The following MAPK10 variants were observed in gnomAD, a reference collection of about 807,000 sequenced individuals.
MAPK10 encodes the protein JNK3 alpha protein kinase.
Under a neutral mutation model 59.3 loss-of-function variants are expected in MAPK10, and 25 were observed. The ratio of observed to expected loss-of-function variants is 0.42; its 90% confidence interval spans 0.31 to 0.59. The LOEUF (loss-of-function observed/expected upper bound fraction) is 0.59, where lower values mean the gene tolerates loss of function less well. Among genes scored for constraint, MAPK10 ranks in the 20% least tolerant of loss-of-function variants. MAPK10 has a pLI of 0.15. For synonymous variants in MAPK10, 190 were observed against 200.5 expected (o/e 0.95, Z 0.44); for missense variants, 351 against 568.9 (o/e 0.62, Z 3.90).
chr4:86,043,059 T>A (rs187466770), intron 11 of MAPK10, among the ~76,000 whole-genome samples: 2 of 152,184 alleles, frequency 1.3e-5, no homozygotes. Flanking sequence ...ATATGTTGAT[T>A]TTGCAATGCC....
intron 9 of MAPK10, among the ~76,000 whole-genome samples, chr4:86,093,898 A>G (rs2053711464): frequency 2.6e-5 from 4 of 151,868 alleles, no homozygotes; most frequent in Admixed American, 2.6e-4. Context: ...ATATTTATTT[A>G]TAATTACATG....
rs988605312 is a variant in MAPK10, at chr4:86,016,693, C to T, written c.*535G>A. The T allele has an allele frequency of 6.5e-6, 1 of 154,748 alleles. No individual in the cohort carries two copies. Among genetic ancestry groups the T allele is most frequent in the African/African-American group, 2.4e-5 (1 of 41,454 alleles). 9.6% of individuals were successfully genotyped at this position (154,748 alleles called of 1,614,324 possible). On this transcript the variant is annotated 3_prime_UTR_variant, in exon 14 of 14. Coordinates refer to ENST00000641462, the MANE Select transcript of MAPK10 (RefSeq NM_138982.4). ...ATCACATGAAATGGACCATGTGGTA[C>T]CCCAGTGCATTATGTCTTGGTAGAG...
chr4:86,372,564 G>GAAAGAAAGGAAGGAAAAGA, intron 1 of MAPK10, among the ~76,000 whole-genome samples: 10 of 78,716 alleles, frequency 1.3e-4, no homozygotes, highest in African/African-American at 3.5e-4. Context: ...AAGAAAGAAA[G>GAAAGAAAGGAAGGAAAAGA]AAAGAAAAGA....
rs116783350 is a variant in MAPK10 at position 86,202,241 on chromosome 4, C to T, written c.-6-7834G>A. On this transcript the variant is annotated intron_variant, in intron 2 of 13. Coordinates refer to ENST00000641462, the MANE Select transcript of MAPK10 (RefSeq NM_138982.4). ...CAAAATACATTGTTTCATTGTTGCT[C>T]ACTGTCTTGCAGCATACATTAAACA... 3.6e-3 allele frequency among the ~76,000 whole-genome samples: 546 copies of T among 151,864 alleles called. 9 individuals are homozygous for T. The highest frequency in any genetic ancestry group is 0.013 in the African/African-American group (526 of 41,488).
intron 1 of MAPK10, among the ~76,000 whole-genome samples, chr4:86,538,124 G>A (rs1758386451): frequency 6.6e-6 from 1 of 151,514 alleles, no homozygotes; most frequent in Admixed American, 6.6e-5. Flanking sequence ...CCCACATTGT[G>A]TTAATTACTA....
At chr4:86,422,493 G>C (rs1746662488) in intron 1 of MAPK10, among the ~76,000 whole-genome samples, 1 of 152,146 alleles carries the variant, frequency 6.6e-6, no homozygotes, top group Non-Finnish European at 1.5e-5. Context: ...AACAAAACAA[G>C]AAGAAATGAC....
intron 1 of MAPK10, among the ~76,000 whole-genome samples, chr4:86,524,845 C>CAAA (rs35177743): frequency 2.0e-5 from 2 of 99,172 alleles, no homozygotes; most frequent in Admixed American, 1.1e-4. Flanking sequence ...TAGGTTGGTG[C>CAAA]AAAAAAAAAA....
chr4:86,338,307 C>T (rs1722765189), intron 2 of MAPK10, among the ~76,000 whole-genome samples: 1 of 152,206 alleles, frequency 6.6e-6, no homozygotes. Flanking sequence ...AGCTGAATTC[C>T]TGAAACCCTC....
chr4:86,252,534 C>T lies in MAPK10; in HGVS notation c.-6-58127G>A, dbSNP rs1221894685. Among the ~76,000 whole-genome samples the T allele has an allele frequency of 2.2e-4, 31 of 142,558 alleles. No individual in the cohort carries two copies. The Middle Eastern group carries it at 0.011, about 50-fold the overall frequency. 93.5% of individuals were successfully genotyped at this position (142,558 alleles called of 152,430 possible). On this transcript the variant is annotated intron_variant, in intron 2 of 13. Transcript: ENST00000641462. The stretch of plus-strand genomic sequence containing the variant: ...TCTGTTCTGTTCCATTGATCTATAT[C>T]TCTGTTTTGGTACCAGTACCATGCT...
At chr4:86,126,731 G>A (rs1448139152) in intron 4 of MAPK10, among the ~76,000 whole-genome samples, 1 of 151,966 alleles carries the variant, frequency 6.6e-6, no homozygotes, top group African/African-American at 2.4e-5. Context: ...GGATGTCTTA[G>A]AAATATCTTA....
chr4:86,259,432 T>C (rs1232915585), intron 2 of MAPK10, among the ~76,000 whole-genome samples: 1 of 152,138 alleles, frequency 6.6e-6, no homozygotes, highest in East Asian at 1.9e-4. Context: ...TTTATATTTA[T>C]ATGTCTTCTG....
chr4:86,223,681 C>T lies in MAPK10; in HGVS notation c.-6-29274G>A, dbSNP rs112955237. ...CTCACCCCTCCCTCTTCTTCCTCTGCACCACATCTGGGCAAACTAATAAGA... is the reference window on the plus strand; with the variant it reads ...CTCACCCCTCCCTCTTCTTCCTCTGTACCACATCTGGGCAAACTAATAAGA... On this transcript the variant is annotated intron_variant, in intron 2 of 13. Coordinates refer to ENST00000641462, the MANE Select transcript of MAPK10 (RefSeq NM_138982.4). Among the ~76,000 whole-genome samples the T allele has an allele frequency of 2.3e-4, 35 of 152,300 alleles. No individual in the cohort carries two copies. The Middle Eastern group carries it at 0.01, about 44-fold the overall frequency.
At chr4:86,434,891 C>A (rs140163035) in intron 1 of MAPK10, among the ~76,000 whole-genome samples, 1 of 152,320 alleles carries the variant, frequency 6.6e-6, no homozygotes, top group East Asian at 1.9e-4. Context: ...TGGGATCAAC[C>A]TGTGTCTGTC....
intron 1 of MAPK10, among the ~76,000 whole-genome samples, chr4:86,390,675 C>G (rs1742072937): frequency 6.6e-6 from 1 of 152,052 alleles, no homozygotes; most frequent in Non-Finnish European, 1.5e-5. Context: ...AGATACATGC[C>G]CAGATATGGG....
intron 4 of MAPK10, among the ~76,000 whole-genome samples, chr4:86,134,709 A>G (rs2061581930): frequency 6.6e-6 from 1 of 152,268 alleles, no homozygotes; most frequent in Non-Finnish European, 1.5e-5. Context: ...GAACAGCTCC[A>G]GTCTACAGCT....
At position 86,215,996 on chromosome 4, in the gene MAPK10, T is replaced by C. The variant is rs72662086; in HGVS notation, c.-6-21589A>G. Among the ~76,000 whole-genome samples, 1,174 of 152,196 alleles carry C rather than the reference T, an allele frequency of 7.7e-3. 8 individuals are homozygous for C. The highest frequency in any genetic ancestry group is 0.011 in the Non-Finnish European group (751 of 68,000). ...GCGTTGTTGAGAATGTGGAGAGATA[T>C]GAACCCTTGTGCCCTATTGGTGAAA... is the stretch of plus-strand genomic sequence containing the variant. On this transcript the variant is annotated intron_variant, in intron 2 of 13. Transcript: ENST00000641462.
intron 1 of MAPK10, among the ~76,000 whole-genome samples, chr4:86,482,217 C>A (rs1753662968): frequency 2.0e-5 from 3 of 152,140 alleles, no homozygotes. Context: ...TGTAGGGGAA[C>A]AGGACATGCA....
At chr4:86,146,153 T>C (rs771201753) in intron 4 of MAPK10, among the ~76,000 whole-genome samples, 2 of 152,148 alleles carry the variant, frequency 1.3e-5, no homozygotes, top group African/African-American at 4.8e-5. Flanking sequence ...TCCAGTGAGC[T>C]GAGAGTGAAT....
chr4:86,554,241 G>C (rs1325172857), intron 1 of MAPK10, among the ~76,000 whole-genome samples: 1 of 152,128 alleles, frequency 6.6e-6, no homozygotes, highest in African/African-American at 2.4e-5. Flanking sequence ...TTGGTGGTAT[G>C]TTCGTTTTAC....
Sources: allele counts gnomAD v4.1 joint callset (sites outside exome capture counted in the v4.1 genomes callset), GRCh38; gene constraint gnomAD v4.1.1; transcripts MANE v1.5; gene names NCBI Gene and HGNC (gene_info 2026-07-23, HGNC 2026-07-21).